HS6ST3: variants seen among roughly 807,000 people sequenced by gnomAD.
HS6ST3 encodes heparan sulfate 6-O-sulfotransferase 3, also known as heparan-sulfate 6-O-sulfotransferase 3.
In HS6ST3, 12 loss-of-function variants were observed where a neutral mutation model predicts 36.7. The ratio of observed to expected loss-of-function variants is 0.33; its 90% CI spans 0.21 to 0.53. The LOEUF (loss-of-function observed/expected upper bound fraction) is 0.53. HS6ST3 is among the 20% of genes least tolerant of loss of function. The pLI, the probability that HS6ST3 is intolerant of heterozygous loss-of-function variation, is 0.95. For missense variants in HS6ST3, 584 were observed against 640.9 expected (o/e 0.91, Z 0.96); for synonymous variants, 240 against 257.5 (o/e 0.93, Z 0.65).
intron 1 of HS6ST3, among the ~76,000 whole-genome samples, chr13:96,747,845 G>T (rs1876599996): frequency 6.6e-6 from 1 of 151,918 alleles, no homozygotes; most frequent in Non-Finnish European, 1.5e-5. Context: ...ATGATGCTAG[G>T]GTGTTCCATA....
chr13:96,640,578 A>G (rs73560406), intron 1 of HS6ST3, among the ~76,000 whole-genome samples: 2,303 of 151,914 alleles, frequency 0.015, 71 homozygotes, highest in African/African-American at 0.054. Flanking sequence ...CCCACTGTCA[A>G]TTTTTGGTTT....
intron 1 of HS6ST3, among the ~76,000 whole-genome samples, chr13:96,614,908 T>C (rs2056468923): frequency 6.6e-6 from 1 of 152,192 alleles, no homozygotes; most frequent in Admixed American, 6.5e-5. Flanking sequence ...TACATTTTTA[T>C]AGTAAGACTA....
At chr13:96,609,118 C>T (rs1240353267) in intron 1 of HS6ST3, among the ~76,000 whole-genome samples, 7 of 141,150 alleles carry the variant, frequency 5.0e-5, no homozygotes, top group Non-Finnish European at 1.2e-4. Flanking sequence ...TATAGGCGCC[C>T]GCCACCACGC....
At chr13:96,331,725 G>C (rs1014273811) in intron 1 of HS6ST3, among the ~76,000 whole-genome samples, 1 of 152,146 alleles carries the variant, frequency 6.6e-6, no homozygotes, top group East Asian at 1.9e-4. Context: ...GGAGCTTCCC[G>C]GCTGCTTTGT....
chr13:96,391,506 C>A (rs2055395417), intron 1 of HS6ST3, among the ~76,000 whole-genome samples: 1 of 152,168 alleles, frequency 6.6e-6, no homozygotes, highest in Non-Finnish European at 1.5e-5. Flanking sequence ...AGCTCTCATA[C>A]TATAGATGTC....
chr13:96,811,511 G>A lies in HS6ST3; in HGVS notation c.708-20979G>A, dbSNP rs72646756. The stretch of plus-strand genomic sequence containing the variant: ...AAGAACTTAATATTATTCCATTTTT[G>A]CTATATTGGGAAGCAAATGCATTTA... On this transcript the variant is annotated intron_variant, in intron 1 of 1. Transcript: ENST00000376705. Among the ~76,000 whole-genome samples, 542 of 152,244 alleles carry A rather than the reference G, an allele frequency of 3.6e-3. 2 individuals carry two copies. The highest frequency in any genetic ancestry group is 7.7e-3 in the Admixed American group (118 of 15,288).
At chr13:96,546,556 G>A (rs1010706796) in intron 1 of HS6ST3, among the ~76,000 whole-genome samples, 1 of 152,128 alleles carries the variant, frequency 6.6e-6, no homozygotes, top group Admixed American at 6.6e-5. Context: ...TAAATGAGAT[G>A]AAATAGCTTT....
chr13:96,443,636 A>G (rs1006570355), intron 1 of HS6ST3, among the ~76,000 whole-genome samples: 22 of 151,974 alleles, frequency 1.4e-4, no homozygotes, highest in African/African-American at 3.4e-4. Context: ...ATTATTATCT[A>G]TTCACTTATT....
chr13:96,123,015 T>C (rs2053933613), intron 1 of HS6ST3, among the ~76,000 whole-genome samples: 1 of 152,178 alleles, frequency 6.6e-6, no homozygotes, highest in African/African-American at 2.4e-5. Context: ...TGGCATAGTT[T>C]TACCCTAGGA....
chr13:96,603,388 G>T (rs1297351312), intron 1 of HS6ST3, among the ~76,000 whole-genome samples: 1 of 152,124 alleles, frequency 6.6e-6, no homozygotes, highest in African/African-American at 2.4e-5. Flanking sequence ...GTTCACCTAT[G>T]TTGTTTTTCT....
At chr13:96,528,596 C>A (rs1367496180) in intron 1 of HS6ST3, among the ~76,000 whole-genome samples, 1 of 152,138 alleles carries the variant, frequency 6.6e-6, no homozygotes, top group Non-Finnish European at 1.5e-5. Flanking sequence ...CAAAAATCAT[C>A]TCTGGGTAAA....
At chr13:96,414,204 A>G (rs1388426435) in intron 1 of HS6ST3, among the ~76,000 whole-genome samples, 1 of 152,208 alleles carries the variant, frequency 6.6e-6, no homozygotes, top group Non-Finnish European at 1.5e-5. Context: ...AAAAGAATAA[A>G]AATTTCACCT....
At chr13:96,486,328 T>G (rs1171895512) in intron 1 of HS6ST3, among the ~76,000 whole-genome samples, 3 of 152,156 alleles carry the variant, frequency 2.0e-5, no homozygotes, top group Admixed American at 6.6e-5. Context: ...TAAACATCCG[T>G]GTGCATGTGT....
chr13:96,580,215 TATATATATATA>T (rs1353478874), intron 1 of HS6ST3, among the ~76,000 whole-genome samples: 1 of 147,998 alleles, frequency 6.8e-6, no homozygotes, highest in Admixed American at 6.8e-5. Context: ...TATATATATA[TATATATATATA>T]TTTATGAAGA....
At chr13:96,520,575 CT>C (rs2056089198) in intron 1 of HS6ST3, among the ~76,000 whole-genome samples, 3 of 152,232 alleles carry the variant, frequency 2.0e-5, no homozygotes, top group African/African-American at 7.2e-5. Flanking sequence ...CTTCACATCC[CT>C]TGTAAGTTGC....
chr13:96,225,643 CTT>C (rs1221715548), intron 1 of HS6ST3, among the ~76,000 whole-genome samples: 5 of 152,066 alleles, frequency 3.3e-5, no homozygotes, highest in Non-Finnish European at 7.4e-5. Context: ...ATTTTAATAA[CTT>C]TACTTTTCTA....
In HS6ST3 at chr13:96,528,521, GACA is replaced by G. The variant is rs2056123591; in HGVS notation, c.708-303965_708-303963del. Among the ~76,000 whole-genome samples, 3 of 152,204 alleles carry G rather than the reference GACA, an allele frequency of 2.0e-5. No homozygotes were observed. In the East Asian group the frequency reaches 5.8e-4, roughly 29 times the overall value. On this transcript the variant is annotated intron_variant, in intron 1 of 1. Coordinates refer to ENST00000376705, the MANE Select transcript of HS6ST3 (RefSeq NM_153456.4). ...TTTTTGATATTATGTAATAAAATATGACAACATTTAAAAGTTCTGCATAACTCA... is the reference window on the plus strand; with the variant it reads ...TTTTTGATATTATGTAATAAAATATGACATTTAAAAGTTCTGCATAACTCA...
intron 1 of HS6ST3, chr13:96,573,603 CTA>C (rs1566400739): frequency 9.4e-6 from 2 of 212,262 alleles, no homozygotes; most frequent in Non-Finnish European, 1.9e-5. Context: ...CTGCAGAATT[CTA>C]GAACTCGAGC....
At chr13:96,526,478 C>T (rs139447789) in intron 1 of HS6ST3, among the ~76,000 whole-genome samples, 1 of 152,126 alleles carries the variant, frequency 6.6e-6, no homozygotes, top group Non-Finnish European at 1.5e-5. Context: ...TGCTTACCTC[C>T]TTGTTCTAAT....
Sources: gnomAD v4.1 joint callset for allele counts (sites outside exome capture counted in the v4.1 genomes callset) on GRCh38, gnomAD v4.1.1 for gene constraint, MANE v1.5 for transcripts, NCBI Gene and HGNC (gene_info 2026-07-23, HGNC 2026-07-21) for gene names.